Variants in FKBP10 observed in about 807,000 individuals in gnomAD.
FKBP10 encodes the protein peptidyl-prolyl cis-trans isomerase FKBP10.
FKBP10 carries 34 observed loss-of-function variants against 53.7 expected under a neutral mutation model. That is an observed-to-expected ratio of 0.63 (90% CI 0.48 to 0.84). The LOEUF (loss-of-function observed/expected upper bound fraction) is 0.84. FKBP10 is among the 40% of genes least tolerant of loss of function. The probability of loss-of-function intolerance (pLI) is 0.00; values close to 1 mark genes in which losing one functional copy is unlikely to be tolerated. For missense variants in FKBP10, 748 were observed against 797.8 expected (o/e 0.94, Z 0.75); for synonymous variants, 324 against 335.7 (o/e 0.97, Z 0.38).
At chr17:41,820,210 A>T (rs1567855670) in intron 6 of FKBP10, 59 bp from the exon 7 acceptor site, 2 of 1,559,602 alleles carry the variant, frequency 1.3e-6, no homozygotes, top group Non-Finnish European at 1.8e-6. Flanking sequence ...CCATGGAGAG[A>T]CCTCAAGTAG....
At chr17:41,817,952 C>G in intron 2 of FKBP10, 137 bp from the exon 3 acceptor site, 3 of 848,346 alleles carry the variant, frequency 3.5e-6, no homozygotes, top group South Asian at 3.1e-5. Context: ...AAAAAAAAAA[C>G]AAAAATAGTG....
intron 9 of FKBP10, 115 bp from the exon 10 acceptor site, chr17:41,822,108 G>C: frequency 9.1e-7 from 1 of 1,100,174 alleles, no homozygotes; most frequent in Non-Finnish European, 1.3e-6. Context: ...AGGGTGCGGG[G>C]GAGCCTGGGA....
chr17:41,819,532 A>T lies in FKBP10; in HGVS notation c.920A>T (p.Tyr307Phe), dbSNP rs782508284. 5 of 1,613,736 alleles carry T rather than the reference A, an allele frequency of 3.1e-6. No homozygotes were observed. Among genetic ancestry groups the T allele is most frequent in the South Asian group, 1.1e-5 (1 of 91,058 alleles). ...GGCCCTCCCGCCTTGTATTGCAGCT[A>T]CTCCCGCAACCACACCTACAATACC... is the stretch of plus-strand genomic sequence containing the variant. ...LMDGTLFDSS[Y>F]SRNHTYNTYI... Residue 307 changes from tyrosine to phenylalanine, a missense_variant and splice_region_variant, in exon 6 of 10, where the codon TAC (tyrosine) becomes TTC (phenylalanine). Physicochemically the swap from Tyr to Phe is conservative, Grantham distance 22. Transcript: ENST00000321562.
chr17:41,817,968 T>A, intron 2 of FKBP10, 121 bp from the exon 3 acceptor site: 1 of 1,007,448 alleles, frequency 9.9e-7, no homozygotes, highest in Non-Finnish European at 1.5e-6. Flanking sequence ...TAGTGGCATC[T>A]CTGTCCCTGG....
rs782706289 is a variant in FKBP10 at position 41,821,100 on chromosome 17, G to A, written c.1399+11G>A. The A allele has an allele frequency of 7.3e-6, 8 of 1,097,116 alleles. 1 individual carries two copies. The Middle Eastern group carries it at 1.0e-3, about 144-fold the overall frequency. 68.0% of individuals were successfully genotyped at this position (1,097,116 alleles called of 1,614,324 possible). The stretch of plus-strand genomic sequence containing the variant: ...ACGGGGAGAGTGGAGGTGAGGGGCT[G>A]AGACCATAATCTTTTTTTTTTTTTT... On this transcript the variant is annotated intron_variant, in intron 8 of 9. Coordinates refer to ENST00000321562, the MANE Select transcript of FKBP10 (RefSeq NM_021939.4).
At chr17:41,821,584 G>C in intron 8 of FKBP10, 70 bp from the exon 9 acceptor site, 1 of 1,584,778 alleles carries the variant, frequency 6.3e-7, no homozygotes. Flanking sequence ...TGTGGGCTGG[G>C]AAACAGTGAA....
At chr17:41,820,720 G>T (rs1055405952) in intron 7 of FKBP10, 1 of 685,860 alleles carries the variant, frequency 1.5e-6, no homozygotes, top group African/African-American at 1.8e-5. Context: ...GGAAACTGAC[G>T]CAGGGAGCCA....
chr17:41,822,661 T>G lies in FKBP10; in HGVS notation c.*253T>G. 1 of 545,564 alleles carries G rather than the reference T, an allele frequency of 1.8e-6. No individual in the cohort carries two copies. The highest frequency in any genetic ancestry group is 2.0e-5 in the South Asian group (1 of 50,224). 33.8% of individuals were successfully genotyped at this position (545,564 alleles called of 1,614,324 possible). On this transcript the variant is annotated 3_prime_UTR_variant, in exon 10 of 10. Transcript: ENST00000321562. ...AATGTTTGGATTTGCAAAGCCAATTTGGGGCCTGTGGAGCCTGGGGTTGGA... is the reference window on the plus strand; with the variant it reads ...AATGTTTGGATTTGCAAAGCCAATTGGGGGCCTGTGGAGCCTGGGGTTGGA...
Position 41,817,122 on chromosome 17 carries a change from C to T in FKBP10, c.310C>T (p.Arg104Ter), listed in dbSNP as rs72835683. ...GVGRLITGMD[R>*]GLMGMCVNER... Reference sequence around the variant, plus strand: ...GGGGCGCCTCATCACTGGCATGGACCGAGGCCTCATGGGCATGTGTGTCAA... The same window carrying T: ...GGGGCGCCTCATCACTGGCATGGACTGAGGCCTCATGGGCATGTGTGTCAA... Residue 104 changes from arginine to a stop codon, truncating the protein, a stop_gained, in exon 2 of 10, where the codon CGA becomes TGA. Transcript: ENST00000321562. LOFTEE classifies it high-confidence loss of function. The T allele has an allele frequency of 1.2e-5, 20 of 1,614,096 alleles. No homozygotes were observed. Among genetic ancestry groups the T allele is most frequent in the Non-Finnish European group, 1.4e-5 (17 of 1,180,044 alleles).
At chr17:41,817,715 G>C (rs1000123661) in intron 2 of FKBP10, among the ~76,000 whole-genome samples, 4 of 151,156 alleles carry the variant, frequency 2.6e-5, no homozygotes, top group Admixed American at 2.6e-4. Flanking sequence ...TGCAACCTCA[G>C]CCTCCTGGGC....
chr17:41,817,599 T>C (rs2047832308), intron 2 of FKBP10, among the ~76,000 whole-genome samples: 1 of 151,384 alleles, frequency 6.6e-6, no homozygotes, highest in Non-Finnish European at 1.5e-5. Context: ...AATTCCACCC[T>C]GTGTGACAGA....
intron 3 of FKBP10, 34 bp from the exon 4 acceptor site, chr17:41,818,348 C>A (rs782717485): frequency 1.2e-6 from 2 of 1,614,150 alleles, no homozygotes; most frequent in Admixed American, 3.3e-5. Flanking sequence ...CGGGGCCCAG[C>A]CTGCCTCTCC....
Position 41,817,181 on chromosome 17 carries a change from G to A in FKBP10, c.369G>A (p.Leu123=). ...GACGCCTCATTGTGCCTCCCCACCT[G>A]GGCTATGGGAGCATCGGCCTGGGTG... The part of the protein sequence containing the change: ...ERRRLIVPPH[L]GYGSIGLAGL... The change falls in exon 2 of 10, where the codon CTG becomes CTA. Residue 123 remains leucine, a synonymous_variant. Coordinates refer to ENST00000321562, the MANE Select transcript of FKBP10 (RefSeq NM_021939.4). The A allele has an allele frequency of 6.2e-7, 1 of 1,613,720 alleles. No homozygotes were observed. The highest frequency in any genetic ancestry group is 8.5e-7 in the Non-Finnish European group (1 of 1,180,046).
Position 41,813,245 on chromosome 17 carries a change from G to A in FKBP10, c.211G>A (p.Gly71Ser). ...MGDFVRYHYN[G>S]TFEDGKKFDS... ...GGATTTTGTGCGCTACCACTACAAC[G>A]GCACTTTTGAAGATGGCAAGAAGTT... Residue 71 changes from glycine (G) to serine (S), a missense_variant, in exon 1 of 10, where the codon GGC becomes AGC. Gly to Ser is a moderately conservative substitution (Grantham distance 56). Transcript: ENST00000321562. The A allele has an allele frequency of 6.2e-7, 1 of 1,613,778 alleles. No individual in the cohort carries two copies. The highest frequency in any genetic ancestry group is 8.5e-7 in the Non-Finnish European group (1 of 1,179,980).
In FKBP10 at chr17:41,822,212, C is replaced by T; in HGVS notation, c.1564-11C>T. Reference sequence around the variant, plus strand: ...CTCACTGCCCGCTCCCCCGGCTCTCCCCTGCCCCAGTTCTCCACCTTCATC... The same window carrying T: ...CTCACTGCCCGCTCCCCCGGCTCTCTCCTGCCCCAGTTCTCCACCTTCATC... On this transcript the variant is annotated splice_polypyrimidine_tract_variant and intron_variant, in intron 9 of 9. Coordinates refer to ENST00000321562, the MANE Select transcript of FKBP10 (RefSeq NM_021939.4). 17 of 1,610,474 alleles carry T rather than the reference C, an allele frequency of 1.1e-5. No homozygotes were observed. Among genetic ancestry groups the T allele is most frequent in the Non-Finnish European group, 1.4e-5 (16 of 1,178,310 alleles).
rs1043938942 is a variant in FKBP10, at chr17:41,820,967, A to G, written c.1277A>G (p.Gln426Arg). Residue 426 changes from glutamine to arginine, a missense_variant, in exon 8 of 10, where the codon CAG becomes CGG. Physicochemically the swap from Gln to Arg is conservative, Grantham distance 43. Coordinates refer to ENST00000321562, the MANE Select transcript of FKBP10 (RefSeq NM_021939.4). The stretch of plus-strand genomic sequence containing the variant: ...CCCAGGCATGACTACGGGGCCCCCC[A>G]GGAGGCGACTCTCGGGGCCAACAAG... The part of the protein sequence containing the change: ...LFTSHDYGAP[Q>R]EATLGANKVI... 1.1e-5 allele frequency: 18 copies of G among 1,612,146 alleles called. No individual in the cohort carries two copies. Among genetic ancestry groups the G allele is most frequent in the Non-Finnish European group, 1.5e-5 (18 of 1,179,560 alleles).
At chr17:41,813,300 C>A in intron 1 of FKBP10, 21 bp downstream of exon 1, 3 of 1,613,142 alleles carry the variant, frequency 1.9e-6, no homozygotes, top group Non-Finnish European at 2.5e-6. Context: ...TTGGGCGCCC[C>A]CGGATTCACC....
chr17:41,818,117 C>G lies in FKBP10; in HGVS notation c.420C>G (p.Leu140=), dbSNP rs144637755. Residue 140 remains leucine, a synonymous_variant, in exon 3 of 10, where the codon CTC becomes CTG. Coordinates refer to ENST00000321562, the MANE Select transcript of FKBP10 (RefSeq NM_021939.4). The part of the protein sequence containing the change: ...LAGLIPPDAT[L]YFDVVLLDVW... ...GGCTCATTCCACCGGATGCCACCCTCTACTTCGATGTGGTTCTGCTGGATG... is the reference window on the plus strand; with the variant it reads ...GGCTCATTCCACCGGATGCCACCCTGTACTTCGATGTGGTTCTGCTGGATG... 83 of 1,613,326 alleles carry G rather than the reference C, an allele frequency of 5.1e-5. No individual in the cohort carries two copies. The East Asian group carries it at 1.1e-3, about 21-fold the overall frequency.
Position 41,822,294 on chromosome 17 carries a change from A to C in FKBP10, c.1635A>C (p.Lys545Asn), listed in dbSNP as rs183401987. 1.9e-6 allele frequency: 3 copies of C among 1,613,944 alleles called. No individual in the cohort carries two copies. In the African/African-American group the frequency reaches 4.0e-5, roughly 22 times the overall value. ...TCATGCCTGGGCAGGACCCTGAGAA[A>C]ACCATAGGAGACATGTTCCAGAACC... is the stretch of plus-strand genomic sequence containing the variant. ...GRLMPGQDPEKTIGDMFQNQD... is the reference protein window; with the variant it reads ...GRLMPGQDPENTIGDMFQNQD... The change falls in exon 10 of 10, where the codon AAA becomes AAC. Residue 545 changes from lysine (K) to asparagine (N), a missense_variant. Physicochemically the swap from Lys to Asn is moderately conservative, Grantham distance 94. Coordinates refer to ENST00000321562, the MANE Select transcript of FKBP10 (RefSeq NM_021939.4).
Sources: allele counts gnomAD v4.1 joint callset (sites outside exome capture counted in the v4.1 genomes callset), GRCh38; gene constraint gnomAD v4.1.1; transcripts MANE v1.5; gene names NCBI Gene and HGNC (gene_info 2026-07-23, HGNC 2026-07-21).